LRRD1: variants seen among roughly 807,000 people sequenced by gnomAD.
The protein encoded by LRRD1 is leucine rich repeats and death domain containing 1.
In LRRD1, 49 loss-of-function variants were observed where a neutral mutation model predicts 69.5. The ratio of observed to expected loss-of-function variants is 0.70; its 90% confidence interval spans 0.56 to 0.89. LRRD1 has a LOEUF of 0.89. Among genes scored for constraint, LRRD1 ranks in the 40% least tolerant of loss-of-function variants. The pLI is 0.00. For missense variants in LRRD1, 853 were observed against 956.0 expected (o/e 0.89, Z 1.42); for synonymous variants, 303 against 338.9 (o/e 0.89, Z 1.16).
Position 92,145,119 on chromosome 7 carries a change from C to T in LRRD1, c.2397-45G>A, listed in dbSNP as rs539741524. Reference sequence around the variant, plus strand: ...ATATTAATAGTTAAATATTTATTAACGTTTAATATATTTAAATTACTGATA... The same window carrying T: ...ATATTAATAGTTAAATATTTATTAATGTTTAATATATTTAAATTACTGATA... On this transcript the variant is annotated intron_variant, in intron 5 of 5. Transcript: ENST00000458448. 5.0e-3 allele frequency: 4,824 copies of T among 959,288 alleles called. 37 individuals carry two copies. The highest frequency in any genetic ancestry group is 4.5e-3 in the South Asian group (116 of 25,496). 59.4% of individuals were successfully genotyped at this position (959,288 alleles called of 1,614,324 possible). A position where few individuals can be genotyped will look rare whatever the true frequency, so the allele number is the denominator to read the frequency against.
At chr7:92,174,509 ATTTTTTTTTTTT>A (rs35052440) in intron 1 of LRRD1, among the ~76,000 whole-genome samples, 8 of 12,864 alleles carry the variant, frequency 6.2e-4, no homozygotes, top group Admixed American at 3.0e-3. Context: ...ATATATATAT[ATTTTTTTTTTTT>A]TTTTTTTTTT....
At chr7:92,152,140 A>AGTGTGTGTGT (rs71528038) in intron 3 of LRRD1, among the ~76,000 whole-genome samples, 6,340 of 142,776 alleles carry the variant, frequency 0.044, 210 homozygotes, top group African/African-American at 0.085. Flanking sequence ...TGCTTCTGGG[A>AGTGTGTGTGT]GTGTGTGTGT....
downstream of LRRD1, among the ~76,000 whole-genome samples, chr7:92,144,362 C>T (rs1820257928): frequency 6.6e-6 from 1 of 152,098 alleles, no homozygotes; most frequent in Non-Finnish European, 1.5e-5. Context: ...GGCATGGTGG[C>T]TCACACCTGT....
At chr7:92,146,319 CTG>C (rs1430704262) in intron 4 of LRRD1, 119 bp from the exon 5 acceptor site, 8 of 582,188 alleles carry the variant, frequency 1.4e-5, no homozygotes, top group African/African-American at 1.3e-4. Context: ...TTAAGTAAAA[CTG>C]AAAATGACAA....
At chr7:92,158,849 T>C (rs1788735800) in intron 3 of LRRD1, among the ~76,000 whole-genome samples, 156 bp downstream of exon 3, 1 of 152,212 alleles carries the variant, frequency 6.6e-6, no homozygotes, top group Non-Finnish European at 1.5e-5. Flanking sequence ...ATACTTTGCT[T>C]TCATTTTCTG....
chr7:92,158,552 T>C (rs372863170), intron 3 of LRRD1, among the ~76,000 whole-genome samples: 3 of 152,050 alleles, frequency 2.0e-5, no homozygotes, highest in Admixed American at 2.0e-4. Flanking sequence ...TTATCTACAA[T>C]GTCATTTTTA....
At chr7:92,162,679 A>G (rs905037575) in intron 2 of LRRD1, among the ~76,000 whole-genome samples, 2 of 152,214 alleles carry the variant, frequency 1.3e-5, no homozygotes, top group Non-Finnish European at 2.9e-5. Context: ...CAGCATTATT[A>G]TGAAGAAAAA....
intron 3 of LRRD1, among the ~76,000 whole-genome samples, chr7:92,157,448 A>G (rs1788687730): frequency 6.6e-6 from 1 of 152,100 alleles, no homozygotes; most frequent in African/African-American, 2.4e-5. Flanking sequence ...TTGTCTTATT[A>G]TGGTATTAGG....
At chr7:92,168,441 A>G (rs1452542990) in intron 1 of LRRD1, among the ~76,000 whole-genome samples, 1 of 152,166 alleles carries the variant, frequency 6.6e-6, no homozygotes, top group Non-Finnish European at 1.5e-5. Context: ...GCCAAAGGAG[A>G]CACCACATCA....
chr7:92,165,672 C>G (rs941585870), intron 1 of LRRD1, among the ~76,000 whole-genome samples: 1 of 151,828 alleles, frequency 6.6e-6, no homozygotes, highest in Non-Finnish European at 1.5e-5. Context: ...CCAGCCTGGC[C>G]TAACATGGCA....
chr7:92,153,479 T>A (rs553032798), intron 3 of LRRD1, among the ~76,000 whole-genome samples: 2 of 151,936 alleles, frequency 1.3e-5, no homozygotes, highest in Non-Finnish European at 2.9e-5. Context: ...TTTTTTTTTT[T>A]AAGTATTAAG....
intron 5 of LRRD1, among the ~76,000 whole-genome samples, chr7:92,145,600 G>A (rs553115877): frequency 1.1e-4 from 16 of 151,800 alleles, no homozygotes; most frequent in East Asian, 7.8e-4. Flanking sequence ...CCACCACACC[G>A]GGCTAATTTT....
At chr7:92,155,861 GGCAGGAA>G (rs1446927859) in intron 3 of LRRD1, among the ~76,000 whole-genome samples, 4 of 152,184 alleles carry the variant, frequency 2.6e-5, no homozygotes, top group Admixed American at 1.3e-4. Context: ...AGTGTTTGAG[GGCAGGAA>G]GCATCCAGCA....
intron 3 of LRRD1, among the ~76,000 whole-genome samples, chr7:92,153,190 G>A (rs192994962): frequency 4.6e-4 from 70 of 151,932 alleles, no homozygotes; most frequent in African/African-American, 1.4e-3. Context: ...TCAGCCTCCC[G>A]AGTAGCTGGG....
rs375126341 is a variant in LRRD1 at position 92,145,472 on chromosome 7, T to G, written c.2397-398A>C. On this transcript the variant is annotated intron_variant, in intron 5 of 5. Transcript: ENST00000458448. ...TTTTTTTTTTTTTTAGACAGAGTCT[T>G]GCTGTCTCCCAGGCTGGAGTGCAGT... is the stretch of plus-strand genomic sequence containing the variant. 2.7e-5 allele frequency among the ~76,000 whole-genome samples: 4 copies of G among 150,686 alleles called. 1 individual carries two copies.
In LRRD1 at chr7:92,164,072, A is replaced by G. The variant is rs1453942785; in HGVS notation, c.1131T>C (p.Leu377=). ...TTTTCAATAAATTTTTATCAAGTAT[A>G]AGAATCCTAAGTTCCCTGAAATTCT... The part of the protein sequence containing the change: ...KIENFRELRI[L]ILDKNLLKNI... The change falls in exon 2 of 6, where the codon CTT becomes CTC. Residue 377 remains leucine, a synonymous_variant. Transcript: ENST00000458448. 3.2e-6 allele frequency: 5 copies of G among 1,546,998 alleles called. No individual in the cohort carries two copies. Among genetic ancestry groups the G allele is most frequent in the Non-Finnish European group, 4.4e-6 (5 of 1,145,008 alleles).
intron 3 of LRRD1, among the ~76,000 whole-genome samples, chr7:92,155,997 G>A (rs1039316767): frequency 6.6e-6 from 1 of 152,202 alleles, no homozygotes; most frequent in Non-Finnish European, 1.5e-5. Context: ...TTGAGGGTGG[G>A]TCTGCCTCTC....
At chr7:92,177,982 T>C (rs1469657800) in intron 1 of LRRD1, among the ~76,000 whole-genome samples, 1 of 152,178 alleles carries the variant, frequency 6.6e-6, no homozygotes, top group Non-Finnish European at 1.5e-5. Context: ...CTGCAAAATA[T>C]TGCATTGAAG....
At chr7:92,174,505 A>ATG (rs1563195843) in intron 1 of LRRD1, among the ~76,000 whole-genome samples, 242 of 19,260 alleles carry the variant, frequency 0.013, 6 homozygotes, top group Non-Finnish European at 0.016. Flanking sequence ...ATATATATAT[A>ATG]TATATTTTTT....
Sources: allele counts gnomAD v4.1 joint callset (sites outside exome capture counted in the v4.1 genomes callset), GRCh38; gene constraint gnomAD v4.1.1; transcripts MANE v1.5; gene names NCBI Gene and HGNC (gene_info 2026-07-23, HGNC 2026-07-21).